The following ABCB7 variants were observed in gnomAD, a reference collection of about 807,000 sequenced individuals.
The protein encoded by ABCB7 is iron-sulfur clusters transporter ABCB7, mitochondrial.
Under a neutral mutation model 54.4 loss-of-function variants are expected in ABCB7, and 7 were observed. The observed-to-expected ratio is 0.13, with a 90% CI of 0.07 to 0.24. The LOEUF (loss-of-function observed/expected upper bound fraction) is 0.24, where lower values mean the gene tolerates loss of function less well. Among genes scored for constraint, ABCB7 ranks in the 10% least tolerant of loss-of-function variants. ABCB7 has a pLI of 1.00. For missense variants in ABCB7, 356 were observed against 570.4 expected (o/e 0.62, Z 3.83); for synonymous variants, 218 against 207.1 (o/e 1.05, Z -0.45).
chrX:75,071,361 A>T, intron 9 of ABCB7, 148 bp downstream of exon 9: 1 of 633,058 alleles, frequency 1.6e-6, no homozygotes, highest in Non-Finnish European at 2.5e-6. Context: ...CATCAAGTAA[A>T]TACATTCTGA....
intron 1 of ABCB7, among the ~76,000 whole-genome samples, chrX:75,152,238 C>T (rs2082136766): frequency 8.9e-6 from 1 of 112,020 alleles, no homozygotes; most frequent in South Asian, 3.7e-4. Flanking sequence ...ACTTAATCAC[C>T]AATGTGATGG....
chrX:75,074,112 T>C (rs2081387688), intron 6 of ABCB7, among the ~76,000 whole-genome samples, 156 bp from the exon 7 acceptor site: 1 of 111,763 alleles, frequency 8.9e-6, no homozygotes, highest in Non-Finnish European at 1.9e-5. Context: ...TCAAATACTT[T>C]AGAAAATCTA....
intron 5 of ABCB7, among the ~76,000 whole-genome samples, chrX:75,076,234 T>C (rs1428144910): frequency 8.9e-6 from 1 of 112,407 alleles, no homozygotes; most frequent in Non-Finnish European, 1.9e-5. Flanking sequence ...TTTGTGGAAA[T>C]GGATGTTACA....
At chrX:75,130,813 A>G in intron 1 of ABCB7, among the ~76,000 whole-genome samples, 1 of 111,886 alleles carries the variant, frequency 8.9e-6, no homozygotes, top group Non-Finnish European at 1.9e-5. Flanking sequence ...GAGAATGGAA[A>G]TATTAGGTAT....
At chrX:75,073,813 G>A (rs750652043) in intron 7 of ABCB7, 37 bp from the exon 8 acceptor site, 1 of 1,186,859 alleles carries the variant, frequency 8.4e-7, no homozygotes, top group Admixed American at 2.2e-5. Context: ...TGAAATACAT[G>A]TTATAAAAGC....
chrX:75,103,573 C>T (rs2081657223), intron 3 of ABCB7, among the ~76,000 whole-genome samples: 1 of 111,228 alleles, frequency 9.0e-6, no homozygotes, highest in South Asian at 3.7e-4. Flanking sequence ...GTTCTTTTTG[C>T]TCAGGATTGC....
chrX:75,064,941 C>T, intron 13 of ABCB7, 129 bp downstream of exon 13: 1 of 759,321 alleles, frequency 1.3e-6, no homozygotes. Flanking sequence ...AGATTAGTAA[C>T]CCAATCAAAT....
At position 75,106,940 on chromosome X, in the gene ABCB7, T is replaced by G. The variant is rs137943444; in HGVS notation, c.333+5946A>C. Among the ~76,000 whole-genome samples, 559 of 111,182 alleles carry G rather than the reference T, an allele frequency of 5.0e-3. 3 individuals are homozygous for G. The highest frequency in any genetic ancestry group is 8.0e-3 in the Non-Finnish European group (425 of 53,021). ...GGTGAGCCCTCATAGTACCCGATTTTAATGCCGTATTGCTGAGTCACTGAA... is the reference window on the plus strand; with the variant it reads ...GGTGAGCCCTCATAGTACCCGATTTGAATGCCGTATTGCTGAGTCACTGAA... On this transcript the variant is annotated intron_variant, in intron 3 of 15. Coordinates refer to ENST00000373394, the MANE Select transcript of ABCB7 (RefSeq NM_001271696.3).
At chrX:75,112,738 G>A (rs1038360278) in intron 3 of ABCB7, 148 bp downstream of exon 3, 2 of 442,918 alleles carry the variant, frequency 4.5e-6, no homozygotes, top group African/African-American at 2.7e-5. Context: ...ATAAACTATG[G>A]TCAATTAATA....
chrX:75,072,885 T>G (rs991365800), intron 8 of ABCB7, among the ~76,000 whole-genome samples: 23 of 111,741 alleles, frequency 2.1e-4, no homozygotes, highest in Admixed American at 2.0e-3. Context: ...AAAAATATTT[T>G]CTTTCTTCAT....
intron 4 of ABCB7, among the ~76,000 whole-genome samples, chrX:75,087,028 T>C (rs1240252588): frequency 8.9e-6 from 1 of 111,842 alleles, no homozygotes; most frequent in African/African-American, 3.3e-5. Context: ...GAACTCCTCA[T>C]CCCTTTTCCA....
At chrX:75,146,294 T>C (rs1436245242) in intron 1 of ABCB7, among the ~76,000 whole-genome samples, 2 of 112,351 alleles carry the variant, frequency 1.8e-5, no homozygotes, top group African/African-American at 6.5e-5. Flanking sequence ...GTAATTGACA[T>C]TGTTCACAGA....
intron 3 of ABCB7, among the ~76,000 whole-genome samples, chrX:75,099,700 C>T (rs2081622498): frequency 9.0e-6 from 1 of 110,791 alleles, no homozygotes; most frequent in Non-Finnish European, 1.9e-5. Context: ...TTACTTTCAG[C>T]TTTAAAGGCA....
chrX:75,148,068 A>T (rs748820868), intron 1 of ABCB7, among the ~76,000 whole-genome samples: 2 of 111,882 alleles, frequency 1.8e-5, no homozygotes, highest in Non-Finnish European at 3.8e-5. Flanking sequence ...GTGAGCCAAG[A>T]TTGTGCCACT....
At chrX:75,083,760 C>A (rs964952331) in intron 4 of ABCB7, among the ~76,000 whole-genome samples, 7 of 109,534 alleles carry the variant, frequency 6.4e-5, no homozygotes, top group African/African-American at 2.0e-4. Context: ...CTGGTGAATG[C>A]AGAAACACAA....
chrX:75,055,820 ATT>A (rs2081235413), intron 15 of ABCB7, among the ~76,000 whole-genome samples: 7 of 108,911 alleles, frequency 6.4e-5, no homozygotes, highest in Admixed American at 2.0e-4. Context: ...TTCAATTTGT[ATT>A]TGTCTAGTTG....
Position 75,099,901 on chromosome X carries a change from T to TA in ABCB7, c.334-841dup, listed in dbSNP as rs1182202985. On this transcript the variant is annotated intron_variant, in intron 3 of 15. Transcript: ENST00000373394. ...CAAAAAACACTGAAAAAGAAAAAAG[T>TA]AAAAAAAAAAAAAGATACTGCTTAT... Among the ~76,000 whole-genome samples the TA allele has an allele frequency of 6.4e-3, 587 of 92,193 alleles. 3 individuals are homozygous for TA. Among genetic ancestry groups the TA allele is most frequent in the East Asian group, 0.018 (53 of 3,024 alleles). The allele number at this position is 92,193 out of a possible 115,157, so 80.1% of individuals were successfully genotyped here.
intron 1 of ABCB7, among the ~76,000 whole-genome samples, chrX:75,144,272 C>T (rs1000185409): frequency 1.8e-5 from 2 of 112,081 alleles, no homozygotes; most frequent in African/African-American, 6.5e-5. Context: ...TACAAGAAAA[C>T]TTTCAGTGAT....
At chrX:75,148,422 T>C (rs1468499697) in intron 1 of ABCB7, among the ~76,000 whole-genome samples, 1 of 108,062 alleles carries the variant, frequency 9.3e-6, no homozygotes, top group African/African-American at 3.4e-5. Flanking sequence ...GACTGGAGTA[T>C]ATCTTTCCAA....
Sources: gnomAD v4.1 joint callset for allele counts (sites outside exome capture counted in the v4.1 genomes callset) on GRCh38, gnomAD v4.1.1 for gene constraint, MANE v1.5 for transcripts, NCBI Gene and HGNC (gene_info 2026-07-23, HGNC 2026-07-21) for gene names.